Variants in ATP8A2 observed in about 807,000 individuals in gnomAD.
The protein encoded by ATP8A2 is phospholipid-transporting ATPase IB.
A neutral mutation model predicts 165.6 loss-of-function variants in ATP8A2; 100 were observed. The ratio of observed to expected loss-of-function variants is 0.60; its 90% confidence interval spans 0.51 to 0.71. ATP8A2 has a LOEUF of 0.71. Among genes scored for constraint, ATP8A2 ranks in the 30% least tolerant of loss-of-function variants. The pLI is 0.00. For missense variants in ATP8A2, 1,227 were observed against 1,479.5 expected (o/e 0.83, Z 2.80); for synonymous variants, 543 against 548.8 (o/e 0.99, Z 0.15).
At chr13:25,932,372 A>G (rs1954790735) in intron 33 of ATP8A2, among the ~76,000 whole-genome samples, 1 of 152,208 alleles carries the variant, frequency 6.6e-6, no homozygotes, top group African/African-American at 2.4e-5. Flanking sequence ...CCCGCAAGAA[A>G]GAACCCTTTT....
intron 1 of ATP8A2, among the ~76,000 whole-genome samples, chr13:25,433,091 C>T (rs1265095581): frequency 6.6e-6 from 1 of 152,164 alleles, no homozygotes; most frequent in Non-Finnish European, 1.5e-5. Flanking sequence ...GCTGCAAGGT[C>T]TGTCTGCATT....
Position 25,543,373 on chromosome 13 carries a change from T to C in ATP8A2, c.862T>C (p.Tyr288His). 2 of 1,611,602 alleles carry C rather than the reference T, an allele frequency of 1.2e-6. No homozygotes were observed. Among genetic ancestry groups the C allele is most frequent in the Non-Finnish European group, 1.7e-6 (2 of 1,177,972 alleles). Residue 288 changes from tyrosine (Y) to histidine (H), a missense_variant, in exon 10 of 37, where the codon TAT becomes CAT. Coordinates refer to ENST00000381655, the MANE Select transcript of ATP8A2 (RefSeq NM_016529.6). ...NTQWVFGIVV[Y>H]TGHDTKLMQN... The stretch of plus-strand genomic sequence containing the variant: ...TCAGTGGGTCTTTGGCATAGTTGTT[T>C]ATACTGGACACGACACCAAACTCAT...
intron 2 of ATP8A2, among the ~76,000 whole-genome samples, chr13:25,486,502 G>A (rs2036357273): frequency 6.6e-6 from 1 of 152,158 alleles, no homozygotes; most frequent in African/African-American, 2.4e-5. Flanking sequence ...TAAGGGACAT[G>A]ATGAATTTTG....
chr13:25,971,849 C>G (rs1371102452), intron 35 of ATP8A2, among the ~76,000 whole-genome samples: 1 of 152,070 alleles, frequency 6.6e-6, no homozygotes, highest in African/African-American at 2.4e-5. Context: ...GATGCACAGG[C>G]CAGGAGCCCA....
In ATP8A2 at chr13:25,755,190, A is replaced by T. The variant is rs145843661; in HGVS notation, c.2385-13856A>T. ...TTAGGGCATCAGGTCAGGATGAGCTAAATGTACAGTTCTAATCAATCAAGA... is the reference window on the plus strand; with the variant it reads ...TTAGGGCATCAGGTCAGGATGAGCTTAATGTACAGTTCTAATCAATCAAGA... On this transcript the variant is annotated intron_variant, in intron 25 of 36. Coordinates refer to ENST00000381655, the MANE Select transcript of ATP8A2 (RefSeq NM_016529.6). Among the ~76,000 whole-genome samples the T allele has an allele frequency of 8.1e-3, 1,237 of 152,332 alleles. 22 individuals carry two copies. The highest frequency in any genetic ancestry group is 0.028 in the African/African-American group (1,178 of 41,550).
In ATP8A2 at chr13:25,743,086, A is replaced by T. The variant is rs2043951542; in HGVS notation, c.2385-25960A>T. 7.2e-5 allele frequency among the ~76,000 whole-genome samples: 11 copies of T among 152,128 alleles called. No individual in the cohort carries two copies. The South Asian group carries it at 2.3e-3, about 32-fold the overall frequency. On this transcript the variant is annotated intron_variant, in intron 25 of 36. Coordinates refer to ENST00000381655, the MANE Select transcript of ATP8A2 (RefSeq NM_016529.6). ...CTAGGGTCATTTCAGATGTATTGAG[A>T]TGAGGTCATTAGGGTGGACCTCATC...
At chr13:25,400,879 T>C (rs1023989356) in intron 1 of ATP8A2, among the ~76,000 whole-genome samples, 1 of 152,214 alleles carries the variant, frequency 6.6e-6, no homozygotes, top group African/African-American at 2.4e-5. Context: ...ACAGTGGCTA[T>C]TTATCACTAT....
rs114558094 is a variant in ATP8A2, at chr13:25,765,935, A to G, written c.2385-3111A>G. Among the ~76,000 whole-genome samples the G allele has an allele frequency of 6.6e-3, 1,002 of 152,292 alleles. 14 individuals carry two copies. The highest frequency in any genetic ancestry group is 0.023 in the African/African-American group (937 of 41,562). ...CGACCCCTGCAGTGTGAAGTGGCCA[A>G]GCCTTTGCCTGTGGGCTTCCTTTCT... On this transcript the variant is annotated intron_variant, in intron 25 of 36. Coordinates refer to ENST00000381655, the MANE Select transcript of ATP8A2 (RefSeq NM_016529.6).
At chr13:25,714,983 A>C (rs2043226495) in intron 25 of ATP8A2, among the ~76,000 whole-genome samples, 1 of 152,224 alleles carries the variant, frequency 6.6e-6, no homozygotes, top group African/African-American at 2.4e-5. Flanking sequence ...ATAGAAAAAA[A>C]TATGTATGAA....
chr13:25,393,275 G>A (rs1007742549), intron 1 of ATP8A2, among the ~76,000 whole-genome samples: 13 of 151,828 alleles, frequency 8.6e-5, no homozygotes, highest in South Asian at 2.1e-4. Flanking sequence ...GGCTACAGGC[G>A]CGTGCCACCA....
chr13:25,896,495 A>G (rs1953551594), intron 33 of ATP8A2, among the ~76,000 whole-genome samples: 1 of 150,124 alleles, frequency 6.7e-6, no homozygotes, highest in Non-Finnish European at 1.5e-5. Context: ...GGTGCTGAGA[A>G]TAACGTATAT....
chr13:25,897,477 AT>A (rs1485510804), intron 33 of ATP8A2, among the ~76,000 whole-genome samples: 1 of 135,516 alleles, frequency 7.4e-6, no homozygotes, highest in African/African-American at 3.1e-5. Context: ...TTTTTCCTTC[AT>A]TTCAACTTTT....
At chr13:25,971,200 C>A (rs1955904139) in intron 35 of ATP8A2, among the ~76,000 whole-genome samples, 1 of 152,048 alleles carries the variant, frequency 6.6e-6, no homozygotes, top group Non-Finnish European at 1.5e-5. Context: ...TTTCTCACTC[C>A]TAATTACTCA....
chr13:25,869,518 A>G (rs1366618820), intron 33 of ATP8A2, among the ~76,000 whole-genome samples: 1 of 152,222 alleles, frequency 6.6e-6, no homozygotes, highest in Non-Finnish European at 1.5e-5. Flanking sequence ...GACATTTATG[A>G]AGCTAATTCT....
At chr13:25,418,032 A>G (rs1362879271) in intron 1 of ATP8A2, among the ~76,000 whole-genome samples, 1 of 152,128 alleles carries the variant, frequency 6.6e-6, no homozygotes, top group Non-Finnish European at 1.5e-5. Flanking sequence ...TCATACCCAT[A>G]TGTCCAATAA....
At chr13:25,619,637 A>G (rs2040918453) in intron 24 of ATP8A2, among the ~76,000 whole-genome samples, 1 of 152,228 alleles carries the variant, frequency 6.6e-6, no homozygotes, top group South Asian at 2.1e-4. Flanking sequence ...GAAATGAAAA[A>G]TATCACAACA....
intron 5 of ATP8A2, among the ~76,000 whole-genome samples, chr13:25,532,797 G>A (rs1334497169): frequency 6.6e-6 from 1 of 151,980 alleles, no homozygotes; most frequent in Admixed American, 6.6e-5. Flanking sequence ...CTCTTGAGTA[G>A]CTGGGACTAC....
intron 1 of ATP8A2, among the ~76,000 whole-genome samples, chr13:25,425,902 T>C (rs2034438168): frequency 6.6e-6 from 1 of 152,226 alleles, no homozygotes; most frequent in African/African-American, 2.4e-5. Flanking sequence ...CTTAGCACTA[T>C]GCATTTAAGC....
chr13:25,478,829 T>C (rs1433223817), intron 2 of ATP8A2, among the ~76,000 whole-genome samples: 4 of 149,388 alleles, frequency 2.7e-5, no homozygotes, highest in Non-Finnish European at 5.9e-5. Flanking sequence ...TCCAAAACTT[T>C]TTCATTGGAT....
Sources: gnomAD v4.1 joint callset for allele counts (sites outside exome capture counted in the v4.1 genomes callset) on GRCh38, gnomAD v4.1.1 for gene constraint, MANE v1.5 for transcripts, NCBI Gene and HGNC (gene_info 2026-07-23, HGNC 2026-07-21) for gene names.